Variants in TSPAN12 observed in about 807,000 individuals in gnomAD.
TSPAN12 encodes tetraspanin 12, also known as tetraspanin-12.
In TSPAN12, 19 loss-of-function variants were observed where a neutral mutation model predicts 39.2. The observed-to-expected ratio is 0.49, with a 90% CI of 0.34 to 0.71. TSPAN12 has a LOEUF of 0.71. Ranked by LOEUF, TSPAN12 falls within the 30% of genes least tolerant of loss-of-function variation. The probability of loss-of-function intolerance (pLI) is 0.01; values close to 1 mark genes in which losing one functional copy is unlikely to be tolerated. For missense variants in TSPAN12, 314 were observed against 359.9 expected (o/e 0.87, Z 1.03); for synonymous variants, 119 against 124.8 (o/e 0.95, Z 0.31).
chr7:120,809,756 A>C (rs2107275), intron 6 of TSPAN12, among the ~76,000 whole-genome samples: 92,316 of 151,818 alleles, frequency 0.61, 29,742 homozygotes, highest in Middle Eastern at 0.79. Context: ...ATCTGAATAC[A>C]GTCCCCACTT....
At chr7:120,834,477 T>C (rs988218151) in intron 4 of TSPAN12, among the ~76,000 whole-genome samples, 2 of 152,190 alleles carry the variant, frequency 1.3e-5, no homozygotes, top group Admixed American at 6.6e-5. Context: ...AGGCTGGTTA[T>C]AAAGACCTGT....
At chr7:120,815,421 C>T (rs928684997) in intron 5 of TSPAN12, among the ~76,000 whole-genome samples, 2 of 152,090 alleles carry the variant, frequency 1.3e-5, no homozygotes, top group African/African-American at 4.8e-5. Context: ...GTTTCCCTCA[C>T]GCTGTTCTTT....
At chr7:120,822,015 A>G (rs573555272) in intron 4 of TSPAN12, among the ~76,000 whole-genome samples, 1 of 152,270 alleles carries the variant, frequency 6.6e-6, no homozygotes, top group African/African-American at 2.4e-5. Flanking sequence ...CTTTTTTAAA[A>G]GTAGTGAAAT....
At chr7:120,806,179 T>C (rs2063035885) in intron 7 of TSPAN12, among the ~76,000 whole-genome samples, 1 of 152,022 alleles carries the variant, frequency 6.6e-6, no homozygotes, top group South Asian at 2.1e-4. Flanking sequence ...TGGAGGCTCT[T>C]AAAATACGTA....
At chr7:120,836,662 A>G (rs1178306156) in intron 4 of TSPAN12, among the ~76,000 whole-genome samples, 1 of 152,180 alleles carries the variant, frequency 6.6e-6, no homozygotes, top group Non-Finnish European at 1.5e-5. Context: ...GGTGGTATAC[A>G]TGATCAGTAA....
At chr7:120,857,005 C>T in intron 1 of TSPAN12, 172 bp from the exon 2 acceptor site, 2 of 587,116 alleles carry the variant, frequency 3.4e-6, no homozygotes, top group Non-Finnish European at 6.1e-6. Context: ...GGTAACTAAA[C>T]TCCCAAAAGT....
rs114108631 is a variant in TSPAN12 at position 120,837,152 on chromosome 7, G to A, written c.285+1625C>T. On this transcript the variant is annotated intron_variant, in intron 4 of 7. Coordinates refer to ENST00000222747, the MANE Select transcript of TSPAN12 (RefSeq NM_012338.4). ...ATTATAGAAGGTTCATGTAAAGTAA[G>A]TCCTTTTGTTTATGTTTAAATTATT... is the stretch of plus-strand genomic sequence containing the variant. Among the ~76,000 whole-genome samples the A allele has an allele frequency of 7.4e-3, 1,133 of 152,244 alleles. 13 individuals are homozygous for A. The highest frequency in any genetic ancestry group is 0.026 in the African/African-American group (1,063 of 41,560).
In TSPAN12 at chr7:120,788,530, G is replaced by T; in HGVS notation, c.*62C>A. 6.4e-7 allele frequency: 1 copy of T among 1,572,370 alleles called. No homozygotes were observed. The highest frequency in any genetic ancestry group is 8.8e-7 in the Non-Finnish European group (1 of 1,142,802). ...TACATATTTCTGAAACACATAGTAT[G>T]TACTCAAAAATTCACAAGTCCAGTA... On this transcript the variant is annotated 3_prime_UTR_variant, in exon 8 of 8. Transcript: ENST00000222747.
chr7:120,819,534 G>C (rs186427750), intron 4 of TSPAN12, among the ~76,000 whole-genome samples: 4 of 152,014 alleles, frequency 2.6e-5, no homozygotes, highest in Non-Finnish European at 5.9e-5. Flanking sequence ...ACACTGATTT[G>C]TTTGACTTTG....
chr7:120,802,171 G>A (rs1793784840), intron 7 of TSPAN12, among the ~76,000 whole-genome samples: 1 of 152,198 alleles, frequency 6.6e-6, no homozygotes, highest in South Asian at 2.1e-4. Flanking sequence ...CTTAAACTCT[G>A]AGTCTGATAT....
intron 2 of TSPAN12, among the ~76,000 whole-genome samples, chr7:120,849,758 C>G (rs1387984821): frequency 1.3e-5 from 2 of 152,112 alleles, no homozygotes; most frequent in African/African-American, 4.8e-5. Flanking sequence ...TTAAATTTTT[C>G]TGGTGTTTTT....
In TSPAN12 at chr7:120,856,703, A is replaced by G; in HGVS notation, c.61T>C (p.Phe21Leu). The G allele has an allele frequency of 6.2e-7, 1 of 1,614,248 alleles. No individual in the cohort carries two copies. Residue 21 changes from phenylalanine to leucine, a missense_variant, in exon 2 of 8, where the codon TTT becomes CTT. Coordinates refer to ENST00000222747, the MANE Select transcript of TSPAN12 (RefSeq NM_012338.4). ...RCLLYALNLL[F>L]WLMSISVLAV... ...GTGCAGTGAAACTTACTTACCCAAA[A>G]GAGCAGATTGAGGGCGTAGAGCAGG...
At chr7:120,809,674 G>A (rs1793939970) in intron 6 of TSPAN12, among the ~76,000 whole-genome samples, 1 of 152,112 alleles carries the variant, frequency 6.6e-6, no homozygotes, top group Admixed American at 6.6e-5. Context: ...TCAATCACAA[G>A]GAAACTGCTT....
intron 4 of TSPAN12, among the ~76,000 whole-genome samples, chr7:120,818,772 A>G (rs902146298): frequency 6.6e-6 from 1 of 152,080 alleles, no homozygotes; most frequent in African/African-American, 2.4e-5. Flanking sequence ...TTTGGCATAC[A>G]CAGTACTCAT....
chr7:120,806,625 T>G lies in TSPAN12; in HGVS notation c.536A>C (p.Asp179Ala). The change falls in exon 7 of 8, where the codon GAT becomes GCT. Residue 179 changes from aspartate to alanine, a missense_variant. Physicochemically the swap from Asp to Ala is moderately radical, Grantham distance 126. Transcript: ENST00000222747. ...TGGGAATTCTCTAACACAGCAGGAATCTGGGGGCCAGTCCATCTCTGTCAT... is the reference window on the plus strand; with the variant it reads ...TGGGAATTCTCTAACACAGCAGGAAGCTGGGGGCCAGTCCATCTCTGTCAT... ...LEMTEMDWPP[D>A]SCCVREFPGC... 1 of 1,613,618 alleles carries G rather than the reference T, an allele frequency of 6.2e-7. No homozygotes were observed. The highest frequency in any genetic ancestry group is 8.5e-7 in the Non-Finnish European group (1 of 1,179,672).
intron 2 of TSPAN12, among the ~76,000 whole-genome samples, chr7:120,843,952 G>A (rs910522793): frequency 2.6e-5 from 4 of 152,080 alleles, no homozygotes; most frequent in African/African-American, 9.7e-5. Context: ...CCTGAAACTG[G>A]GTAATTTATG....
chr7:120,799,022 C>T (rs1357398221), intron 7 of TSPAN12, among the ~76,000 whole-genome samples: 1 of 152,142 alleles, frequency 6.6e-6, no homozygotes, highest in Non-Finnish European at 1.5e-5. Flanking sequence ...CTAATTCCTA[C>T]CTTTTCTTTT....
chr7:120,842,235 G>C (rs1314747591), intron 2 of TSPAN12, among the ~76,000 whole-genome samples: 1 of 146,890 alleles, frequency 6.8e-6, no homozygotes, highest in African/African-American at 2.5e-5. Context: ...CTACAGCTTT[G>C]AACAGTAAAT....
At position 120,838,964 on chromosome 7, in the gene TSPAN12, C is replaced by G. The variant is rs767761287; in HGVS notation, c.150-52G>C. 2.0e-5 allele frequency: 32 copies of G among 1,569,594 alleles called. No individual in the cohort carries two copies. The African/African-American group carries it at 4.1e-4, about 20-fold the overall frequency. On this transcript the variant is annotated intron_variant, in intron 3 of 7. Coordinates refer to ENST00000222747, the MANE Select transcript of TSPAN12 (RefSeq NM_012338.4). ...AAAGAAAATATAATCAAAATGCACC[C>G]AAGACATAGCAGAAGACACAACTGT... is the stretch of plus-strand genomic sequence containing the variant.
Sources: allele counts gnomAD v4.1 joint callset (sites outside exome capture counted in the v4.1 genomes callset), GRCh38; gene constraint gnomAD v4.1.1; transcripts MANE v1.5; gene names NCBI Gene and HGNC (gene_info 2026-07-23, HGNC 2026-07-21).